The following CADPS variants were observed in gnomAD, a reference collection of about 807,000 sequenced individuals.
CADPS encodes calcium-dependent secretion activator 1.
Under a neutral mutation model 167.3 loss-of-function variants are expected in CADPS, and 57 were observed. The ratio of observed to expected loss-of-function variants is 0.34; its 90% CI spans 0.28 to 0.42. CADPS has a LOEUF of 0.42. CADPS is among the 20% of genes least tolerant of loss of function. The pLI is 1.00. For missense variants in CADPS, 1,414 were observed against 1,738.1 expected (o/e 0.81, Z 3.32); for synonymous variants, 676 against 635.3 (o/e 1.06, Z -0.96).
chr3:62,535,217 CT>C lies in CADPS; in HGVS notation c.2103+1227del, dbSNP rs953410266. Among the ~76,000 whole-genome samples, 149 of 150,034 alleles carry C rather than the reference CT, an allele frequency of 9.9e-4. 1 individual carries two copies. Among genetic ancestry groups the C allele is most frequent in the African/African-American group, 3.6e-3 (146 of 41,096 alleles). ...AAATTGCCTTGCAATGCAAGGTAAG[CT>C]TTTTTCTTTTTCTTTTTCTTTTTTT... is the stretch of plus-strand genomic sequence containing the variant. On this transcript the variant is annotated intron_variant, in intron 12 of 29. Coordinates refer to ENST00000383710, the MANE Select transcript of CADPS (RefSeq NM_003716.4).
intron 3 of CADPS, among the ~76,000 whole-genome samples, chr3:62,677,539 TG>T (rs1365803392): frequency 6.6e-6 from 1 of 152,062 alleles, no homozygotes; most frequent in Non-Finnish European, 1.5e-5. Flanking sequence ...GGTAGAGGCC[TG>T]GGGTGCTGTT....
rs563340835 is a variant in CADPS at position 62,497,103 on chromosome 3, A to G, written c.2706+2059T>C. ...ATGATGGTTATTAGGGCAGTTTAGG[A>G]TAAGGATTAACACAGCGAGAAAGGG... On this transcript the variant is annotated intron_variant, in intron 18 of 29. Transcript: ENST00000383710. 7.9e-5 allele frequency among the ~76,000 whole-genome samples: 12 copies of G among 152,304 alleles called. No individual in the cohort carries two copies. In the South Asian group the frequency reaches 2.3e-3, roughly 29 times the overall value.
At chr3:62,474,660 C>T (rs2061042830) in intron 23 of CADPS, among the ~76,000 whole-genome samples, 2 of 152,154 alleles carry the variant, frequency 1.3e-5, no homozygotes, top group South Asian at 4.1e-4. Context: ...TAAGTTCTCT[C>T]ACATTGGCAA....
intron 21 of CADPS, among the ~76,000 whole-genome samples, chr3:62,482,988 C>T (rs1397136854): frequency 6.6e-6 from 1 of 152,020 alleles, no homozygotes; most frequent in Admixed American, 6.6e-5. Flanking sequence ...CTTGAATCAA[C>T]TGTATTTCTT....
chr3:62,405,860 T>TG (rs1451975540), intron 28 of CADPS, among the ~76,000 whole-genome samples: 3 of 152,204 alleles, frequency 2.0e-5, no homozygotes, highest in Non-Finnish European at 2.9e-5. Context: ...AGTGCTAACT[T>TG]GGTTTTCCAG....
At chr3:62,579,884 G>A (rs1315346070) in intron 8 of CADPS, among the ~76,000 whole-genome samples, 4 of 152,168 alleles carry the variant, frequency 2.6e-5, no homozygotes, top group Non-Finnish European at 5.9e-5. Flanking sequence ...TACTGCTTAC[G>A]AGGCAGGAGC....
At chr3:62,585,845 A>T (rs1223491191) in intron 7 of CADPS, among the ~76,000 whole-genome samples, 1 of 152,232 alleles carries the variant, frequency 6.6e-6, no homozygotes, top group Non-Finnish European at 1.5e-5. Flanking sequence ...TTGGAGTCAC[A>T]CATTTCAACC....
At chr3:62,735,367 T>C (rs1030122733) in intron 3 of CADPS, among the ~76,000 whole-genome samples, 2 of 79,774 alleles carry the variant, frequency 2.5e-5, no homozygotes, top group Admixed American at 1.0e-4. Context: ...AGCAAAGCAA[T>C]AAATGTTACT....
chr3:62,760,637 T>G (rs1238315614), intron 2 of CADPS, among the ~76,000 whole-genome samples: 1 of 152,144 alleles, frequency 6.6e-6, no homozygotes, highest in Non-Finnish European at 1.5e-5. Context: ...GAATCAATGC[T>G]TTAGAGTGGG....
In CADPS at chr3:62,518,140, G is replaced by A; in HGVS notation, c.2393+9C>T. ...TCCTAATTAAAGCTCTCCAGCCCCA[G>A]ATCCTTACCTAAAATGTGTAATCTG... On this transcript the variant is annotated intron_variant, in intron 14 of 29. Transcript: ENST00000383710. The A allele has an allele frequency of 6.3e-7, 1 of 1,596,888 alleles. No homozygotes were observed.
intron 26 of CADPS, among the ~76,000 whole-genome samples, chr3:62,456,460 C>G (rs967480151): frequency 1.1e-4 from 16 of 152,034 alleles, no homozygotes; most frequent in Non-Finnish European, 2.2e-4. Context: ...GAGCCTGAAG[C>G]CTCCCCGTCC....
chr3:62,766,631 T>C (rs79664449), intron 1 of CADPS, among the ~76,000 whole-genome samples: 3,004 of 152,308 alleles, frequency 0.02, 52 homozygotes, highest in South Asian at 0.056. Flanking sequence ...GATATACTTC[T>C]GGGATGTGGC....
At chr3:62,745,348 C>T (rs2081229648) in intron 3 of CADPS, among the ~76,000 whole-genome samples, 2 of 152,190 alleles carry the variant, frequency 1.3e-5, no homozygotes, top group African/African-American at 4.8e-5. Flanking sequence ...GCTGGCATTA[C>T]AGACGTGAGC....
Position 62,575,100 on chromosome 3 carries a change from A to T in CADPS, c.1578-4162T>A, listed in dbSNP as rs2152483845. On this transcript the variant is annotated intron_variant, in intron 8 of 29. Transcript: ENST00000383710. ...TGGCAGCTACTAACCATTTCCCTTT[A>T]CTTTGCATCCATAGAAAGAGATTTG... Among the ~76,000 whole-genome samples, 3 of 152,362 alleles carry T rather than the reference A, an allele frequency of 2.0e-5. No homozygotes were observed. In the South Asian group the frequency reaches 6.2e-4, roughly 32 times the overall value.
At chr3:62,428,236 C>G (rs912258706) in intron 28 of CADPS, among the ~76,000 whole-genome samples, 1 of 146,654 alleles carries the variant, frequency 6.8e-6, no homozygotes, top group Non-Finnish European at 1.5e-5. Flanking sequence ...TTAAGTTGAG[C>G]CTTCTTTTCA....
In CADPS at chr3:62,570,956, G is replaced by GAA; in HGVS notation, c.1578-19_1578-18insTT. ...ATAAATACCTAAGGGAAAGGAGAAA[G>GAA]ACCAGAGCTGCATTAATGCTTGAGT... On this transcript the variant is annotated intron_variant, in intron 8 of 29. Coordinates refer to ENST00000383710, the MANE Select transcript of CADPS (RefSeq NM_003716.4). 1 of 1,459,568 alleles carries GAA rather than the reference G, an allele frequency of 6.9e-7. No homozygotes were observed. The allele number at this position is 1,459,568 out of a possible 1,614,324, so 90.4% of individuals were successfully genotyped here. A position where few individuals can be genotyped will look rare whatever the true frequency, so the allele number is the denominator to read the frequency against.
chr3:62,507,353 T>C (rs2066879401), intron 17 of CADPS, among the ~76,000 whole-genome samples: 2 of 152,092 alleles, frequency 1.3e-5, no homozygotes, highest in African/African-American at 4.8e-5. Flanking sequence ...TGTGACACCT[T>C]GCTTGTTCCC....
intron 3 of CADPS, among the ~76,000 whole-genome samples, chr3:62,710,446 C>T (rs1216752265): frequency 6.6e-6 from 1 of 152,122 alleles, no homozygotes; most frequent in Non-Finnish European, 1.5e-5. Flanking sequence ...TACCGAACCT[C>T]TCCATGCTTC....
intron 1 of CADPS, among the ~76,000 whole-genome samples, chr3:62,866,773 T>A (rs1228997419): frequency 6.6e-6 from 1 of 152,102 alleles, no homozygotes; most frequent in Admixed American, 6.6e-5. Flanking sequence ...TATTTGTCCA[T>A]GTACCCCATA....
Sources: allele counts gnomAD v4.1 joint callset (sites outside exome capture counted in the v4.1 genomes callset), GRCh38; gene constraint gnomAD v4.1.1; transcripts MANE v1.5; gene names NCBI Gene and HGNC (gene_info 2026-07-23, HGNC 2026-07-21).